Variants in FSTL5 observed in about 807,000 individuals in gnomAD.
FSTL5 encodes follistatin like 5, also known as follistatin-related protein 5.
FSTL5 carries 62 observed loss-of-function variants against 89.1 expected under a neutral mutation model. The ratio of observed to expected loss-of-function variants is 0.70; its 90% CI spans 0.57 to 0.86. FSTL5 has a LOEUF of 0.86. FSTL5 is among the 40% of genes least tolerant of loss of function. FSTL5 has a pLI of 0.00. For synonymous variants in FSTL5, 383 were observed against 346.2 expected, an observed-to-expected ratio of 1.11 and a Z score of -1.18; for missense variants, 1,057 against 1,001.6, an observed-to-expected ratio of 1.06 and a Z score of -0.75.
intron 5 of FSTL5, among the ~76,000 whole-genome samples, chr4:161,765,914 C>A (rs1740978775): frequency 6.6e-6 from 1 of 151,824 alleles, no homozygotes; most frequent in Admixed American, 6.6e-5. Flanking sequence ...CCTGCCTCAG[C>A]CTCCCCAGTC....
At chr4:161,860,274 C>A (rs964823757) in intron 4 of FSTL5, among the ~76,000 whole-genome samples, 3 of 145,788 alleles carry the variant, frequency 2.1e-5, no homozygotes, top group African/African-American at 7.6e-5. Flanking sequence ...GGCGACAGAG[C>A]GAGACTCCGT....
chr4:161,686,126 T>C (rs1737701725), intron 6 of FSTL5, among the ~76,000 whole-genome samples: 1 of 151,258 alleles, frequency 6.6e-6, no homozygotes, highest in Admixed American at 6.6e-5. Context: ...GATGGATTAA[T>C]TTTTTGATAT....
chr4:161,445,469 C>T (rs1466176293), intron 15 of FSTL5, among the ~76,000 whole-genome samples: 1 of 151,610 alleles, frequency 6.6e-6, no homozygotes, highest in Non-Finnish European at 1.5e-5. Context: ...ACTTGTTTCC[C>T]TAATGAATTT....
chr4:161,750,215 C>G (rs2126780938), intron 6 of FSTL5, among the ~76,000 whole-genome samples: 1 of 152,126 alleles, frequency 6.6e-6, no homozygotes, highest in African/African-American at 2.4e-5. Context: ...ATTTAAAATA[C>G]TTGGAATAAA....
chr4:161,910,439 T>C (rs1003049891), intron 4 of FSTL5, among the ~76,000 whole-genome samples: 3 of 152,180 alleles, frequency 2.0e-5, no homozygotes, highest in African/African-American at 7.2e-5. Flanking sequence ...AATGACACTT[T>C]CTTTTGCTTG....
At chr4:161,603,620 C>T (rs999329530) in intron 7 of FSTL5, among the ~76,000 whole-genome samples, 14 of 152,006 alleles carry the variant, frequency 9.2e-5, no homozygotes, top group African/African-American at 3.4e-4. Context: ...TTATGCAGCT[C>T]AAGCTAAGAT....
intron 7 of FSTL5, among the ~76,000 whole-genome samples, chr4:161,642,576 G>A (rs548433272): frequency 4.6e-5 from 7 of 152,110 alleles, no homozygotes; most frequent in South Asian, 2.1e-4. Context: ...AAAAGGTTAC[G>A]ATATATAAGG....
chr4:161,414,903 G>A (rs1731719813), intron 15 of FSTL5, among the ~76,000 whole-genome samples: 1 of 152,122 alleles, frequency 6.6e-6, no homozygotes, highest in South Asian at 2.1e-4. Flanking sequence ...GTGACATATT[G>A]AATAAGTGAC....
intron 6 of FSTL5, among the ~76,000 whole-genome samples, chr4:161,712,236 G>A (rs902250200): frequency 2.0e-5 from 3 of 151,894 alleles, no homozygotes; most frequent in Non-Finnish European, 4.4e-5. Flanking sequence ...CATTGAATTC[G>A]TACACTTCAT....
chr4:162,058,379 A>G (rs1164941105), intron 2 of FSTL5, among the ~76,000 whole-genome samples: 4 of 151,190 alleles, frequency 2.6e-5, no homozygotes, highest in Admixed American at 2.6e-4. Flanking sequence ...TTTTAAAGGG[A>G]GAATAATTCT....
At position 161,842,826 on chromosome 4, in the gene FSTL5, T is replaced by A. The variant is rs191215310; in HGVS notation, c.410-66752A>T. Among the ~76,000 whole-genome samples the A allele has an allele frequency of 1.4e-4, 22 of 152,256 alleles. No homozygotes were observed. The East Asian group carries it at 4.1e-3, about 28-fold the overall frequency. On this transcript the variant is annotated intron_variant, in intron 4 of 15. Coordinates refer to ENST00000306100, the MANE Select transcript of FSTL5 (RefSeq NM_020116.5). Reference sequence around the variant, plus strand: ...AAACATCAACATATTTTATAAGACATGACAATCCTTTGCCATCTTCATCAT... The same window carrying A: ...AAACATCAACATATTTTATAAGACAAGACAATCCTTTGCCATCTTCATCAT...
chr4:161,892,443 C>CT (rs1247511306), intron 4 of FSTL5, among the ~76,000 whole-genome samples: 12 of 151,934 alleles, frequency 7.9e-5, no homozygotes, highest in African/African-American at 2.7e-4. Flanking sequence ...TTTTATAATT[C>CT]TTCTCAGTTC....
At chr4:161,699,250 T>G (rs77799787) in intron 6 of FSTL5, among the ~76,000 whole-genome samples, 1 of 152,204 alleles carries the variant, frequency 6.6e-6, no homozygotes, top group East Asian at 1.9e-4. Context: ...AAACTTTTCA[T>G]ATTAAATCGT....
In FSTL5 at chr4:161,386,402, T is replaced by C; in HGVS notation, c.1889A>G (p.Asp630Gly). ...HKDEAALQKIDLETMSYIKTI... is the reference protein window; with the variant it reads ...HKDEAALQKIGLETMSYIKTI... Reference sequence around the variant, plus strand: ...CTTGATGTATGACATGGTTTCAAGATCAATTTTTTGTAGTGCAGCTTCATC... The same window carrying C: ...CTTGATGTATGACATGGTTTCAAGACCAATTTTTTGTAGTGCAGCTTCATC... Residue 630 changes from aspartate to glycine, a missense_variant, in exon 16 of 16, where the codon GAT becomes GGT. By Grantham distance (94) the Asp-to-Gly change is moderately conservative. Coordinates refer to ENST00000306100, the MANE Select transcript of FSTL5 (RefSeq NM_020116.5). 6.2e-7 allele frequency: 1 copy of C among 1,613,514 alleles called. No homozygotes were observed.
At chr4:161,621,827 C>CAAAA (rs58143952) in intron 7 of FSTL5, among the ~76,000 whole-genome samples, 3 of 90,378 alleles carry the variant, frequency 3.3e-5, no homozygotes, top group Non-Finnish European at 4.6e-5. Flanking sequence ...TCTAAAAATA[C>CAAAA]AAAAAAAAAA....
chr4:161,780,283 T>C (rs2126809174), intron 4 of FSTL5, among the ~76,000 whole-genome samples: 1 of 151,802 alleles, frequency 6.6e-6, no homozygotes, highest in Non-Finnish European at 1.5e-5. Flanking sequence ...CATTTAGAAA[T>C]TGTGCCCCCT....
intron 6 of FSTL5, among the ~76,000 whole-genome samples, chr4:161,694,306 A>G (rs1738058171): frequency 6.6e-6 from 1 of 152,086 alleles, no homozygotes; most frequent in Non-Finnish European, 1.5e-5. Context: ...TTACTTTAAT[A>G]TATCTGATGG....
chr4:161,717,453 T>C lies in FSTL5; in HGVS notation c.727+41958A>G, dbSNP rs183978974. Among the ~76,000 whole-genome samples the C allele has an allele frequency of 4.0e-3, 603 of 152,272 alleles. 4 individuals are homozygous for C. The highest frequency in any genetic ancestry group is 6.8e-3 in the Middle Eastern group (2 of 294). On this transcript the variant is annotated intron_variant, in intron 6 of 15. Transcript: ENST00000306100. ...GGGGTATGCCAAAGTAGATAGGGCC[T>C]GGAAATCAACTGCCATAACATTAAA...
chr4:161,983,742 C>T (rs1284373542), intron 3 of FSTL5, among the ~76,000 whole-genome samples: 1 of 152,108 alleles, frequency 6.6e-6, no homozygotes, highest in Non-Finnish European at 1.5e-5. Flanking sequence ...ATGTCTCTCA[C>T]CAAAATAACC....
Sources: allele counts gnomAD v4.1 joint callset (sites outside exome capture counted in the v4.1 genomes callset), GRCh38; gene constraint gnomAD v4.1.1; transcripts MANE v1.5; gene names NCBI Gene and HGNC (gene_info 2026-07-23, HGNC 2026-07-21).